KALRN: variants seen among roughly 807,000 people sequenced by gnomAD.
The protein encoded by KALRN is kalirin.
In KALRN, 70 loss-of-function variants were observed where a neutral mutation model predicts 353.7. The ratio of observed to expected loss-of-function variants is 0.20; its 90% CI spans 0.16 to 0.24. The LOEUF (loss-of-function observed/expected upper bound fraction) is 0.24. Ranked by LOEUF, KALRN falls within the 10% of genes least tolerant of loss-of-function variation. The pLI is 1.00. For missense variants in KALRN, 2,791 were observed against 3,756.7 expected (o/e 0.74, Z 6.72); for synonymous variants, 1,391 against 1,434.8 (o/e 0.97, Z 0.69).
chr3:124,585,834 A>G (rs3851350), intron 34 of KALRN, among the ~76,000 whole-genome samples: 43,959 of 151,974 alleles, frequency 0.29, 7,084 homozygotes, highest in Middle Eastern at 0.4. Context: ...CTCCACCCCC[A>G]TTTACAATAC....
rs1421398283 is a variant in KALRN, at chr3:124,554,558, A to G, written c.4936-8285A>G. On this transcript the variant is annotated intron_variant, in intron 33 of 59. Coordinates refer to ENST00000682506, the MANE Select transcript of KALRN (RefSeq NM_001388419.1). ...GTAACAGCTTGTTCTTTTTTCATGG[A>G]TACAATATCCTCTCTTATCTTTCTG... is the stretch of plus-strand genomic sequence containing the variant. 3.3e-5 allele frequency among the ~76,000 whole-genome samples: 5 copies of G among 152,050 alleles called. No individual in the cohort carries two copies. In the East Asian group the frequency reaches 7.7e-4, roughly 23 times the overall value.
At chr3:124,445,764 A>G (rs2093817216) in intron 19 of KALRN, among the ~76,000 whole-genome samples, 1 of 152,204 alleles carries the variant, frequency 6.6e-6, no homozygotes, top group Admixed American at 6.5e-5. Context: ...ATGAGTCCTT[A>G]AGAATGACTG....
intron 1 of KALRN, among the ~76,000 whole-genome samples, chr3:124,044,847 CTCCCTCCCTCCCTCCTTCCTTCCT>C (rs2040302352): frequency 4.1e-5 from 3 of 72,604 alleles, no homozygotes; most frequent in Non-Finnish European, 6.0e-5. Flanking sequence ...CCCTCCCTCC[CTCCCTCCCTCCCTCCTTCCTTCCT>C]TCCTTCCTTC....
chr3:124,607,381 T>C (rs2077460451), intron 34 of KALRN, among the ~76,000 whole-genome samples: 1 of 152,234 alleles, frequency 6.6e-6, no homozygotes, highest in South Asian at 2.1e-4. Flanking sequence ...AGATATATAC[T>C]GAATCACTGT....
chr3:124,149,607 G>A (rs923627771), intron 1 of KALRN, among the ~76,000 whole-genome samples: 15 of 152,176 alleles, frequency 9.9e-5, no homozygotes, highest in Non-Finnish European at 1.6e-4. Flanking sequence ...TCCATGCTAT[G>A]GAACTTGCCA....
intron 28 of KALRN, among the ~76,000 whole-genome samples, chr3:124,486,194 C>T (rs1396780020): frequency 6.6e-6 from 1 of 152,120 alleles, no homozygotes; most frequent in East Asian, 1.9e-4. Context: ...TAGCAAGGAT[C>T]AGGGAAAATT....
intron 1 of KALRN, among the ~76,000 whole-genome samples, chr3:124,118,438 T>G (rs2063661189): frequency 6.6e-6 from 1 of 151,430 alleles, no homozygotes; most frequent in African/African-American, 2.4e-5. Context: ...GGAGAGAGGG[T>G]TTCTGCAGGA....
intron 34 of KALRN, among the ~76,000 whole-genome samples, chr3:124,605,033 T>C (rs2077192133): frequency 6.6e-6 from 1 of 151,758 alleles, no homozygotes; most frequent in African/African-American, 2.4e-5. Context: ...CATGCTGGTG[T>C]GCACCTATAG....
chr3:124,464,777 G>C (rs1333039349), intron 25 of KALRN, among the ~76,000 whole-genome samples: 2 of 139,246 alleles, frequency 1.4e-5, no homozygotes, highest in African/African-American at 5.5e-5. Flanking sequence ...CAGCAAACAA[G>C]AATCAAGAAC....
chr3:124,397,899 G>T (rs1344453280), intron 12 of KALRN, among the ~76,000 whole-genome samples: 2 of 152,172 alleles, frequency 1.3e-5, no homozygotes, highest in African/African-American at 4.8e-5. Context: ...CACTTCACTT[G>T]TGTCCTTTCA....
At chr3:124,606,823 G>A (rs948533698) in intron 34 of KALRN, among the ~76,000 whole-genome samples, 1 of 152,138 alleles carries the variant, frequency 6.6e-6, no homozygotes, top group Non-Finnish European at 1.5e-5. Flanking sequence ...GGGCAAAAGC[G>A]ATGAAGATGT....
intron 33 of KALRN, among the ~76,000 whole-genome samples, chr3:124,538,239 AGTGTTTGTGTGTGTGT>A (rs901026208): frequency 6.8e-6 from 1 of 146,032 alleles, no homozygotes; most frequent in Non-Finnish European, 1.5e-5. Context: ...AGAGCCAAAG[AGTGTTTGTGTGTGTGT>A]GTGTTTGTGT....
At chr3:124,330,320 T>C (rs1481027897) in intron 8 of KALRN, among the ~76,000 whole-genome samples, 1 of 150,540 alleles carries the variant, frequency 6.6e-6, no homozygotes, top group Non-Finnish European at 1.5e-5. Context: ...TGTGTGAAGA[T>C]TGGACTTTCT....
At chr3:124,266,447 G>T (rs1466497586) in intron 4 of KALRN, among the ~76,000 whole-genome samples, 1 of 151,932 alleles carries the variant, frequency 6.6e-6, no homozygotes, top group Non-Finnish European at 1.5e-5. Context: ...TAAATTTTCT[G>T]GAGGGTATAT....
intron 3 of KALRN, among the ~76,000 whole-genome samples, chr3:124,239,522 G>C (rs1171492489): frequency 2.0e-5 from 3 of 152,164 alleles, no homozygotes; most frequent in African/African-American, 7.2e-5. Context: ...ATATTGGTGA[G>C]GAAAGATAAC....
intron 34 of KALRN, among the ~76,000 whole-genome samples, chr3:124,605,032 G>A (rs1464412542): frequency 1.3e-5 from 2 of 151,770 alleles, no homozygotes; most frequent in African/African-American, 4.8e-5. Context: ...GCATGCTGGT[G>A]TGCACCTATA....
chr3:124,391,373 GA>G (rs201925396), intron 11 of KALRN, among the ~76,000 whole-genome samples: 3 of 152,098 alleles, frequency 2.0e-5, no homozygotes, highest in Non-Finnish European at 4.4e-5. Context: ...GACAGTGGGG[GA>G]AAAAACACGC....
intron 1 of KALRN, among the ~76,000 whole-genome samples, chr3:124,151,114 G>T (rs1262911497): frequency 6.6e-6 from 1 of 152,008 alleles, no homozygotes; most frequent in East Asian, 1.9e-4. Context: ...TTTCCAGCTT[G>T]GTGCTATTAT....
chr3:124,147,392 A>G (rs985111693), intron 1 of KALRN, among the ~76,000 whole-genome samples: 3 of 152,062 alleles, frequency 2.0e-5, no homozygotes, highest in African/African-American at 7.2e-5. Flanking sequence ...TTTATCTGAC[A>G]GTTCTTGCTG....
Sources: gnomAD v4.1 joint callset for allele counts (sites outside exome capture counted in the v4.1 genomes callset) on GRCh38, gnomAD v4.1.1 for gene constraint, MANE v1.5 for transcripts, NCBI Gene and HGNC (gene_info 2026-07-23, HGNC 2026-07-21) for gene names.